Variants in TOMM20L observed in about 807,000 individuals in gnomAD.
TOMM20L encodes TOMM20-like protein 1.
TOMM20L carries 19 observed loss-of-function variants against 20.4 expected under a neutral mutation model. That is an observed-to-expected ratio of 0.93 (90% confidence interval 0.65 to 1.36). The LOEUF is 1.36. Ranked by LOEUF, TOMM20L falls within the 40% of genes most tolerant of loss-of-function variation. TOMM20L has a pLI of 0.00. For missense variants in TOMM20L, 218 were observed against 203.7 expected (o/e 1.07, Z -0.43); for synonymous variants, 75 against 79.6 (o/e 0.94, Z 0.30).
In TOMM20L at chr14:58,402,736, G is replaced by T. The variant is rs778943590; in HGVS notation, c.237G>T (p.Arg79=). 25 of 1,613,622 alleles carry T rather than the reference G, an allele frequency of 1.5e-5. 1 individual carries two copies. In the South Asian group the frequency reaches 2.5e-4, roughly 16 times the overall value. The change falls in exon 3 of 5, where the codon CGG becomes CGT. Residue 79 remains arginine (R), a synonymous_variant. Coordinates refer to ENST00000360945, the MANE Select transcript of TOMM20L (RefSeq NM_207377.3). ...AAGAACTTTTCTTGCAAGAGGTACG[G>T]ATGGGAGAACTTTGGTTATCTAGAG... ...KLQELFLQEV[R]MGELWLSRGE... is the part of the protein sequence containing the mutation.
intron 2 of TOMM20L, among the ~76,000 whole-genome samples, chr14:58,399,321 A>G (rs2035962604): frequency 6.6e-6 from 1 of 152,178 alleles, no homozygotes; most frequent in Non-Finnish European, 1.5e-5. Flanking sequence ...TACCTGGAGC[A>G]TCTGTTAAAA....
chr14:58,403,744 A>G (rs957143390), intron 3 of TOMM20L, among the ~76,000 whole-genome samples: 6 of 152,002 alleles, frequency 3.9e-5, no homozygotes, highest in Middle Eastern at 3.4e-3. Flanking sequence ...AGGCTGAGGC[A>G]GGAGAATGGT....
intron 3 of TOMM20L, among the ~76,000 whole-genome samples, chr14:58,406,224 A>G (rs186884032): frequency 2.0e-5 from 3 of 152,206 alleles, no homozygotes; most frequent in African/African-American, 7.2e-5. Context: ...GGTTGGTTGA[A>G]TTATTTGACC....
chr14:58,396,206 G>A (rs1347981060), intron 1 of TOMM20L, 92 bp from the exon 2 acceptor site: 27 of 1,559,532 alleles, frequency 1.7e-5, no homozygotes, highest in Non-Finnish European at 2.3e-5. Context: ...CTCTGCCGAG[G>A]GGCCCGCGGC....
chr14:58,405,663 T>C (rs1039217434), intron 3 of TOMM20L, among the ~76,000 whole-genome samples: 2 of 152,144 alleles, frequency 1.3e-5, no homozygotes, highest in African/African-American at 4.8e-5. Context: ...TGTGCCACCA[T>C]GCCTGGCTAA....
Position 58,396,148 on chromosome 14 carries a change from C to G in TOMM20L, c.136+55C>G, listed in dbSNP as rs749038905. 220 of 1,278,370 alleles carry G rather than the reference C, an allele frequency of 1.7e-4. 1 individual carries two copies. The Admixed American group carries it at 3.0e-3, about 17-fold the overall frequency. 79.2% of individuals were successfully genotyped at this position (1,278,370 alleles called of 1,614,324 possible). A position where few individuals can be genotyped will look rare whatever the true frequency, so the allele number is the denominator to read the frequency against. The stretch of plus-strand genomic sequence containing the variant: ...GGGCCGGGCAGCGCGGGCGGGCTGC[C>G]GGCCGGGAGGGCCCCCCACTGAGAG... On this transcript the variant is annotated intron_variant, in intron 1 of 4. Coordinates refer to ENST00000360945, the MANE Select transcript of TOMM20L (RefSeq NM_207377.3).
downstream of TOMM20L, among the ~76,000 whole-genome samples, chr14:58,410,482 G>A (rs970105118): frequency 1.3e-5 from 2 of 152,140 alleles, no homozygotes; most frequent in African/African-American, 4.8e-5. Context: ...GTCAAGCTTT[G>A]TTTTTTCCAA....
rs370623622 is a variant in TOMM20L at position 58,405,057 on chromosome 14, C to CT, written c.263-2267dup. 2.8e-3 allele frequency among the ~76,000 whole-genome samples: 430 copies of CT among 152,036 alleles called. 4 individuals carry two copies. Among genetic ancestry groups the CT allele is most frequent in the African/African-American group, 9.9e-3 (412 of 41,442 alleles). ...CATCTCAGCCCATTGCAACCTCTGC[C>CT]TTCCAGGTTCAAGCGATTCTCCGGC... is the stretch of plus-strand genomic sequence containing the variant. On this transcript the variant is annotated intron_variant, in intron 3 of 4. Transcript: ENST00000360945.
rs1376029718 is a variant in TOMM20L at position 58,408,604 on chromosome 14, A to G, written c.*22A>G. On this transcript the variant is annotated 3_prime_UTR_variant, in exon 5 of 5. Coordinates refer to ENST00000360945, the MANE Select transcript of TOMM20L (RefSeq NM_207377.3). ...TTGAAAAACATTTCAACGTATCCAC[A>G]GTCCAGTGAGAATACTATGGTACCA... The G allele has an allele frequency of 6.2e-7, 1 of 1,609,826 alleles. No individual in the cohort carries two copies. The highest frequency in any genetic ancestry group is 8.5e-7 in the Non-Finnish European group (1 of 1,176,534).
At chr14:58,411,767 C>T, downstream of TOMM20L, 2 of 706,374 alleles carry the variant, frequency 2.8e-6, no homozygotes, top group South Asian at 3.4e-5. Context: ...GAACTCCTGA[C>T]TTCATGTGAT....
At chr14:58,397,936 T>C (rs1354488605) in intron 2 of TOMM20L, among the ~76,000 whole-genome samples, 3 of 152,104 alleles carry the variant, frequency 2.0e-5, no homozygotes, top group Admixed American at 6.6e-5. Flanking sequence ...AATCCTGAAC[T>C]ATGGTGGTGG....
intron 3 of TOMM20L, among the ~76,000 whole-genome samples, chr14:58,403,838 A>C (rs979184890): frequency 4.6e-5 from 7 of 151,716 alleles, no homozygotes; most frequent in Non-Finnish European, 8.8e-5. Context: ...ACTCCGGCTC[A>C]AAAATTAAAT....
Position 58,396,256 on chromosome 14 carries a change from G to T in TOMM20L, c.137-42G>T, listed in dbSNP as rs375824619. 6 of 1,611,180 alleles carry T rather than the reference G, an allele frequency of 3.7e-6. No homozygotes were observed. The East Asian group carries it at 1.3e-4, about 36-fold the overall frequency. ...GACCACTGGGCCCACGCGTGCCTCT[G>T]GACGGGCCTCCCAGCCAGCATGTGC... On this transcript the variant is annotated intron_variant, in intron 1 of 4. Coordinates refer to ENST00000360945, the MANE Select transcript of TOMM20L (RefSeq NM_207377.3).
intron 4 of TOMM20L, among the ~76,000 whole-genome samples, chr14:58,408,100 T>G (rs953267528): frequency 6.6e-6 from 1 of 152,118 alleles, no homozygotes; most frequent in Non-Finnish European, 1.5e-5. Flanking sequence ...TGGGATTGTT[T>G]CCTGAAGATA....
At chr14:58,409,175 A>G (rs773491452), downstream of TOMM20L, 1 of 1,610,488 alleles carries the variant, frequency 6.2e-7, no homozygotes. Flanking sequence ...TGGTCTAGGA[A>G]TGAAAAGGGA....
chr14:58,411,196 C>T (rs905610885), downstream of TOMM20L, among the ~76,000 whole-genome samples: 2 of 152,032 alleles, frequency 1.3e-5, no homozygotes, highest in Admixed American at 1.3e-4. Flanking sequence ...GCCTGTAATC[C>T]CAGCACTTTG....
chr14:58,408,231 A>C (rs1452792725), intron 4 of TOMM20L, among the ~76,000 whole-genome samples: 2 of 152,078 alleles, frequency 1.3e-5, no homozygotes, highest in Non-Finnish European at 2.9e-5. Flanking sequence ...AGCCTGGCCA[A>C]TGTGGTGAAA....
At chr14:58,410,687 C>T (rs2036187201), downstream of TOMM20L, among the ~76,000 whole-genome samples, 3 of 152,142 alleles carry the variant, frequency 2.0e-5, no homozygotes, top group South Asian at 2.1e-4. Context: ...AACTCAATGC[C>T]GTGGTTCAGT....
chr14:58,404,090 C>CATATATAT lies in TOMM20L; in HGVS notation c.262+1330_262+1337dup, dbSNP rs2036023608. On this transcript the variant is annotated intron_variant, in intron 3 of 4. Transcript: ENST00000360945. ...CACCCATCAGTACAATGTATATATA[C>CATATATAT]ATATATATGTATATATATATATATA... 1.8e-4 allele frequency among the ~76,000 whole-genome samples: 3 copies of CATATATAT among 16,836 alleles called. No individual in the cohort carries two copies. The South Asian group carries it at 7.3e-3, about 41-fold the overall frequency. 11.0% of individuals were successfully genotyped at this position (16,836 alleles called of 152,430 possible). A position where few individuals can be genotyped will look rare whatever the true frequency, so the allele number is the denominator to read the frequency against.
Sources: allele counts gnomAD v4.1 joint callset (sites outside exome capture counted in the v4.1 genomes callset), GRCh38; gene constraint gnomAD v4.1.1; transcripts MANE v1.5; gene names NCBI Gene and HGNC (gene_info 2026-07-23, HGNC 2026-07-21).